Variants in PSMD1 observed in about 807,000 individuals in gnomAD.
PSMD1 encodes proteasome 26S subunit, non-ATPase 1.
Under a neutral mutation model 119.0 loss-of-function variants are expected in PSMD1, and 18 were observed. The ratio of observed to expected loss-of-function variants is 0.15; its 90% CI spans 0.10 to 0.22. The LOEUF (loss-of-function observed/expected upper bound fraction) is 0.22. PSMD1 is among the 10% of genes least tolerant of loss of function. The pLI, the probability that PSMD1 is intolerant of heterozygous loss-of-function variation, is 1.00. For synonymous variants in PSMD1, 374 were observed against 396.6 expected, an observed-to-expected ratio of 0.94 and a Z score of 0.68; for missense variants, 702 against 1,158.5, an observed-to-expected ratio of 0.61 and a Z score of 5.72.
At chr2:231,113,049 A>G (rs2125212763) in intron 16 of PSMD1, among the ~76,000 whole-genome samples, 1 of 152,228 alleles carries the variant, frequency 6.6e-6, no homozygotes, top group South Asian at 2.1e-4. Context: ...CTGTAGTCCC[A>G]GCTACCTGGG....
intron 16 of PSMD1, among the ~76,000 whole-genome samples, chr2:231,091,278 C>T (rs949290544): frequency 6.6e-6 from 1 of 152,218 alleles, no homozygotes; most frequent in Non-Finnish European, 1.5e-5. Flanking sequence ...CAAGAGTAAA[C>T]AAGTTTATCT....
At chr2:231,117,370 G>A (rs1275168191) in intron 16 of PSMD1, among the ~76,000 whole-genome samples, 1 of 152,002 alleles carries the variant, frequency 6.6e-6, no homozygotes, top group African/African-American at 2.4e-5. Context: ...GTGTATCTAA[G>A]GGTCAGTCTG....
intron 16 of PSMD1, among the ~76,000 whole-genome samples, chr2:231,122,803 T>C (rs753725127): frequency 1.1e-4 from 17 of 152,138 alleles, no homozygotes; most frequent in Admixed American, 2.6e-4. Context: ...AAAAATTGAA[T>C]CGATAGATCA....
intron 17 of PSMD1, among the ~76,000 whole-genome samples, chr2:231,145,722 A>G (rs968622578): frequency 2.6e-5 from 4 of 151,764 alleles, no homozygotes; most frequent in African/African-American, 4.8e-5. Context: ...GGTGAAACCC[A>G]TCTCTACTAA....
chr2:231,062,688 T>C lies in PSMD1; in HGVS notation c.304+13T>C. ...GAAACTATTATAGGTAATTATCGTC[T>C]ATCTGGTAAGGCTTTATCTTGTCGG... On this transcript the variant is annotated intron_variant, in intron 4 of 24. Coordinates refer to ENST00000308696, the MANE Select transcript of PSMD1 (RefSeq NM_002807.4). The C allele has an allele frequency of 1.9e-6, 3 of 1,574,690 alleles. No homozygotes were observed. The highest frequency in any genetic ancestry group is 1.2e-5 in the South Asian group (1 of 83,936).
intron 9 of PSMD1, 53 bp downstream of exon 9, chr2:231,077,215 G>T: frequency 8.5e-7 from 1 of 1,179,142 alleles, no homozygotes; most frequent in Non-Finnish European, 1.1e-6. Flanking sequence ...GTTCTTTGTT[G>T]CATATAAGTA....
chr2:231,078,799 T>TC, intron 10 of PSMD1, 52 bp downstream of exon 10: 3 of 1,326,000 alleles, frequency 2.3e-6, no homozygotes, highest in South Asian at 1.4e-5. Context: ...TTCTTTTTTT[T>TC]TTTTTTTTTT....
At chr2:231,088,793 A>AT (rs1694515907) in intron 16 of PSMD1, among the ~76,000 whole-genome samples, 1 of 152,216 alleles carries the variant, frequency 6.6e-6, no homozygotes, top group Admixed American at 6.5e-5. Flanking sequence ...AGAGTCCCAC[A>AT]TTTCTCACTT....
At chr2:231,139,573 A>AAAGAAG (rs547387717) in intron 17 of PSMD1, among the ~76,000 whole-genome samples, 3 of 144,468 alleles carry the variant, frequency 2.1e-5, no homozygotes, top group African/African-American at 7.8e-5. Flanking sequence ...AAAAAAAAAA[A>AAAGAAG]AAGAAGAAGA....
chr2:231,124,566 T>G (rs1695671058), intron 16 of PSMD1, among the ~76,000 whole-genome samples: 1 of 152,146 alleles, frequency 6.6e-6, no homozygotes, highest in Admixed American at 6.5e-5. Flanking sequence ...CATTTTAGAT[T>G]TCCTTTAGTT....
intron 16 of PSMD1, among the ~76,000 whole-genome samples, chr2:231,111,923 T>G (rs940844280): frequency 1.3e-5 from 2 of 152,208 alleles, no homozygotes; most frequent in African/African-American, 4.8e-5. Flanking sequence ...TTTTTCTTGA[T>G]CATCTGTGTA....
intron 17 of PSMD1, among the ~76,000 whole-genome samples, chr2:231,143,528 A>C (rs1202953175): frequency 2.6e-5 from 4 of 152,056 alleles, no homozygotes; most frequent in Non-Finnish European, 5.9e-5. Context: ...GTGCCCGGCC[A>C]GGGACATTGT....
intron 16 of PSMD1, chr2:231,113,645 A>T: frequency 8.2e-7 from 1 of 1,220,840 alleles, no homozygotes; most frequent in Non-Finnish European, 1.2e-6. Context: ...GCTGAGTTTC[A>T]TTGCCTACCA....
intron 16 of PSMD1, among the ~76,000 whole-genome samples, chr2:231,131,761 CAAAAAAAA>C (rs540366686): frequency 2.5e-4 from 3 of 11,842 alleles, no homozygotes; most frequent in East Asian, 4.7e-3. Flanking sequence ...GACTCCGTCT[CAAAAAAAA>C]AAAAAAAAAA....
chr2:231,074,923 G>C (rs554069198), intron 7 of PSMD1, among the ~76,000 whole-genome samples: 4 of 152,248 alleles, frequency 2.6e-5, no homozygotes, highest in Non-Finnish European at 5.9e-5. Context: ...CAAACTCCTA[G>C]GCTCAAGCAA....
intron 21 of PSMD1, 35 bp downstream of exon 21, chr2:231,163,762 T>C: frequency 6.8e-7 from 1 of 1,463,798 alleles, no homozygotes; most frequent in Non-Finnish European, 9.5e-7. Flanking sequence ...GCATTTGTAC[T>C]TAAATATAGG....
intron 16 of PSMD1, among the ~76,000 whole-genome samples, chr2:231,096,684 A>G (rs921581231): frequency 6.6e-6 from 1 of 152,242 alleles, no homozygotes; most frequent in Non-Finnish European, 1.5e-5. Context: ...GCCCTTACAG[A>G]TGGAGCAGTG....
intron 16 of PSMD1, among the ~76,000 whole-genome samples, chr2:231,097,171 G>A (rs1181344522): frequency 6.6e-6 from 1 of 152,190 alleles, no homozygotes; most frequent in Non-Finnish European, 1.5e-5. Flanking sequence ...AGTTGGTGGA[G>A]GTTTTAGTAA....
chr2:231,154,403 C>T (rs1177985096), intron 19 of PSMD1, among the ~76,000 whole-genome samples: 1 of 152,202 alleles, frequency 6.6e-6, no homozygotes, highest in Non-Finnish European at 1.5e-5. Context: ...CACTGCACTC[C>T]AGTCTGGGTG....
Sources: gnomAD v4.1 joint callset for allele counts (sites outside exome capture counted in the v4.1 genomes callset) on GRCh38, gnomAD v4.1.1 for gene constraint, MANE v1.5 for transcripts, NCBI Gene and HGNC (gene_info 2026-07-23, HGNC 2026-07-21) for gene names.